Variants in PPP1R7 observed in about 807,000 individuals in gnomAD.
PPP1R7 encodes the protein protein phosphatase 1 regulatory subunit 22.
A neutral mutation model predicts 45.2 loss-of-function variants in PPP1R7; 18 were observed. That is an observed-to-expected ratio of 0.40 (90% CI 0.28 to 0.59). PPP1R7 has a LOEUF of 0.59. Among genes scored for constraint, PPP1R7 ranks in the 20% least tolerant of loss-of-function variants. The pLI, the probability that PPP1R7 is intolerant of heterozygous loss-of-function variation, is 0.46. For synonymous variants in PPP1R7, 181 were observed against 183.4 expected (o/e 0.99, Z 0.11); for missense variants, 314 against 455.8 (o/e 0.69, Z 2.83).
intron 1 of PPP1R7, 104 bp from the exon 2 acceptor site, chr2:241,153,372 C>T (rs2067366213): frequency 6.8e-7 from 1 of 1,474,228 alleles, no homozygotes; most frequent in Non-Finnish European, 9.3e-7. Context: ...ATTCAACAAA[C>T]ATGTTTAAAT....
chr2:241,158,370 C>T, intron 3 of PPP1R7, 114 bp from the exon 4 acceptor site: 3 of 919,150 alleles, frequency 3.3e-6, no homozygotes, highest in Non-Finnish European at 1.8e-6. Flanking sequence ...CTGCTGCAGA[C>T]CCACCTGGCA....
intron 7 of PPP1R7, among the ~76,000 whole-genome samples, chr2:241,165,740 C>G (rs533672067): frequency 6.7e-6 from 1 of 149,782 alleles, no homozygotes; most frequent in Admixed American, 6.6e-5. Flanking sequence ...ACTACAGGCA[C>G]CCGCCACCAC....
intron 9 of PPP1R7, among the ~76,000 whole-genome samples, chr2:241,174,266 A>G (rs916027065): frequency 6.6e-6 from 1 of 152,156 alleles, no homozygotes; most frequent in African/African-American, 2.4e-5. Context: ...GGTTGACGGG[A>G]ACACAAACAT....
intron 1 of PPP1R7, among the ~76,000 whole-genome samples, chr2:241,150,871 C>T (rs1386214180): frequency 6.6e-6 from 1 of 152,070 alleles, no homozygotes; most frequent in Non-Finnish European, 1.5e-5. Context: ...CTGAGATTGA[C>T]GGGCGGGGGA....
In PPP1R7 at chr2:241,160,320, GGTT is replaced by G. The variant is rs1176875920; in HGVS notation, c.435-8_435-6del. On this transcript the variant is annotated splice_polypyrimidine_tract_variant and intron_variant, in intron 5 of 9. Transcript: ENST00000234038. ...TGAAATTTTTTTAAAAAACTGTTTT[GGTT>G]GTTCTCAGGATTCTAGATATTTCTT... 4 of 1,568,462 alleles carry G rather than the reference GGTT, an allele frequency of 2.6e-6. No homozygotes were observed. The East Asian group carries it at 6.9e-5, about 27-fold the overall frequency.
In PPP1R7 at chr2:241,167,028, C is replaced by T. The variant is rs747235199; in HGVS notation, c.819+587C>T. 31 of 1,611,430 alleles carry T rather than the reference C, an allele frequency of 1.9e-5. No individual in the cohort carries two copies. The South Asian group carries it at 2.3e-4, about 12-fold the overall frequency. ...CTGTTCATGCTCCTCCCTCCCTCCC[C>T]GGCCCTTCTCACTCAGGTGCAGGAC... On this transcript the variant is annotated intron_variant, in intron 8 of 9. Coordinates refer to ENST00000234038, the MANE Select transcript of PPP1R7 (RefSeq NM_002712.3).
chr2:241,155,882 G>A (rs2067445951), intron 2 of PPP1R7, among the ~76,000 whole-genome samples: 1 of 152,176 alleles, frequency 6.6e-6, no homozygotes, highest in Non-Finnish European at 1.5e-5. Flanking sequence ...GAGGTGATTT[G>A]TTATCTATCT....
chr2:241,166,476 G>T (rs1471753730), intron 8 of PPP1R7, 35 bp downstream of exon 8: 1 of 1,595,028 alleles, frequency 6.3e-7, no homozygotes, highest in East Asian at 2.2e-5. Context: ...GGCTGTGTGG[G>T]CGGTGGGCAC....
At chr2:241,180,326 A>G (rs1383728180) in intron 9 of PPP1R7, among the ~76,000 whole-genome samples, 1 of 148,196 alleles carries the variant, frequency 6.7e-6, no homozygotes, top group African/African-American at 2.5e-5. Flanking sequence ...CCTGGGCCAC[A>G]CTGGAAAAAA....
chr2:241,171,391 C>A (rs2067813649), intron 9 of PPP1R7, among the ~76,000 whole-genome samples: 1 of 152,212 alleles, frequency 6.6e-6, no homozygotes, highest in African/African-American at 2.4e-5. Context: ...ATCCAATTAT[C>A]ACAGCAACCA....
At chr2:241,176,712 C>T (rs768050507) in intron 9 of PPP1R7, among the ~76,000 whole-genome samples, 3 of 152,122 alleles carry the variant, frequency 2.0e-5, no homozygotes, top group Non-Finnish European at 4.4e-5. Context: ...CTGCCTGCCT[C>T]GGCTTCCCAA....
upstream of PPP1R7, chr2:241,149,667 G>T (rs1350774631): frequency 6.5e-7 from 1 of 1,545,620 alleles, no homozygotes; most frequent in Non-Finnish European, 8.7e-7. Flanking sequence ...CCGCCCCCGG[G>T]CCGGGCAGAT....
chr2:241,151,850 A>C (rs180947316), intron 1 of PPP1R7, among the ~76,000 whole-genome samples: 21 of 152,242 alleles, frequency 1.4e-4, no homozygotes, highest in Non-Finnish European at 2.9e-4. Flanking sequence ...TCAGACCTTC[A>C]TCATCTCTAG....
At chr2:241,161,718 G>A (rs905756183) in intron 6 of PPP1R7, among the ~76,000 whole-genome samples, 2 of 152,370 alleles carry the variant, frequency 1.3e-5, no homozygotes, top group South Asian at 4.1e-4. Flanking sequence ...GTCATGTGCT[G>A]GAGGGGAACT....
chr2:241,160,389 A>C lies in PPP1R7; in HGVS notation c.492A>C (p.Thr164=). 1 of 1,613,156 alleles carries C rather than the reference A, an allele frequency of 6.2e-7. No homozygotes were observed. Among genetic ancestry groups the C allele is most frequent in the Admixed American group, 1.7e-5 (1 of 59,716 alleles). The change falls in exon 6 of 10, where the codon ACA becomes ACC. Residue 164 remains threonine (T), a synonymous_variant. Transcript: ENST00000234038. ...ACATCGAAGGGGTTGACAAGTTGAC[A>C]CGACTGAAAAAACTCTTCTTGGTCA... ...LRNIEGVDKL[T]RLKKLFLVNN...
At chr2:241,169,067 G>A (rs2067770142) in intron 8 of PPP1R7, among the ~76,000 whole-genome samples, 2 of 152,196 alleles carry the variant, frequency 1.3e-5, no homozygotes, top group South Asian at 4.1e-4. Flanking sequence ...ACATGTATTG[G>A]AAAGTGAGTA....
At chr2:241,168,661 T>A (rs2067762750) in intron 8 of PPP1R7, among the ~76,000 whole-genome samples, 1 of 151,954 alleles carries the variant, frequency 6.6e-6, no homozygotes, top group African/African-American at 2.4e-5. Flanking sequence ...CTAGGCAGCA[T>A]GCCACGTATA....
chr2:241,171,510 G>C (rs987997497), intron 9 of PPP1R7, among the ~76,000 whole-genome samples: 2 of 152,170 alleles, frequency 1.3e-5, no homozygotes, highest in Admixed American at 1.3e-4. Context: ...TATCACATTT[G>C]AGAGGCACAT....
rs192499381 is a variant in PPP1R7, at chr2:241,163,745, A to C, written c.714+344A>C. Reference sequence around the variant, plus strand: ...CAGCCTACCAAGTCGGTAGGACTACAGGCATGCACCACGACCTTCAGCTAA... The same window carrying C: ...CAGCCTACCAAGTCGGTAGGACTACCGGCATGCACCACGACCTTCAGCTAA... On this transcript the variant is annotated intron_variant, in intron 7 of 9. Coordinates refer to ENST00000234038, the MANE Select transcript of PPP1R7 (RefSeq NM_002712.3). Among the ~76,000 whole-genome samples the C allele has an allele frequency of 2.6e-5, 4 of 152,206 alleles. No homozygotes were observed. The East Asian group carries it at 7.7e-4, about 29-fold the overall frequency.
Sources: allele counts gnomAD v4.1 joint callset (sites outside exome capture counted in the v4.1 genomes callset), GRCh38; gene constraint gnomAD v4.1.1; transcripts MANE v1.5; gene names NCBI Gene and HGNC (gene_info 2026-07-23, HGNC 2026-07-21).